USP34: variants seen among roughly 807,000 people sequenced by gnomAD.
The protein encoded by USP34 is ubiquitin carboxyl-terminal hydrolase 34.
USP34 carries 70 observed loss-of-function variants against 460.3 expected under a neutral mutation model. That is an observed-to-expected ratio of 0.15 (90% CI 0.13 to 0.19). USP34 has a LOEUF of 0.19. Among genes scored for constraint, USP34 ranks in the 10% least tolerant of loss-of-function variants. USP34 has a pLI of 1.00. For synonymous variants in USP34, 1,647 were observed against 1,405.3 expected (o/e 1.17, Z -3.85); for missense variants, 3,985 against 4,236.2 (o/e 0.94, Z 1.65).
At chr2:61,281,523 T>C (rs1412907447) in intron 37 of USP34, among the ~76,000 whole-genome samples, 4 of 152,182 alleles carry the variant, frequency 2.6e-5, no homozygotes, top group Admixed American at 6.5e-5. Context: ...GGCACAAGAA[T>C]TGCTTGAACC....
intron 27 of USP34, among the ~76,000 whole-genome samples, chr2:61,309,331 C>G (rs754452708): frequency 3.3e-4 from 50 of 152,238 alleles, no homozygotes; most frequent in Admixed American, 1.4e-3. Flanking sequence ...CACACAAAGA[C>G]AACCAATAAC....
chr2:61,406,668 C>A (rs535681759), intron 2 of USP34, among the ~76,000 whole-genome samples: 6 of 150,692 alleles, frequency 4.0e-5, no homozygotes, highest in Admixed American at 1.3e-4. Flanking sequence ...CTCTCTCCCC[C>A]CCAAGCTCCT....
At chr2:61,288,974 T>A in intron 33 of USP34, 97 bp from the exon 34 acceptor site, 1 of 1,226,744 alleles carries the variant, frequency 8.2e-7, no homozygotes, top group Non-Finnish European at 1.1e-6. Context: ...TAAAAATAAT[T>A]ATAGCTAGTA....
intron 20 of USP34, among the ~76,000 whole-genome samples, chr2:61,328,808 T>C (rs1572939493): frequency 6.6e-6 from 1 of 152,202 alleles, no homozygotes; most frequent in African/African-American, 2.4e-5. Flanking sequence ...TTGGACTTTC[T>C]CTTTACGAGG....
At chr2:61,375,076 C>T (rs1692751695) in intron 8 of USP34, among the ~76,000 whole-genome samples, 1 of 152,110 alleles carries the variant, frequency 6.6e-6, no homozygotes, top group African/African-American at 2.4e-5. Flanking sequence ...TAAAACACAA[C>T]CAAGAATCCA....
At chr2:61,447,039 GA>G (rs1695139443) in intron 1 of USP34, among the ~76,000 whole-genome samples, 1 of 152,064 alleles carries the variant, frequency 6.6e-6, no homozygotes, top group Non-Finnish European at 1.5e-5. Flanking sequence ...CAGATCACCT[GA>G]GGTCAGGAGT....
chr2:61,187,757 A>G lies in USP34; in HGVS notation c.*345T>C. Reference sequence around the variant, plus strand: ...AAGGTACAAAACTGGCACAGAGGACACCATATCATACACAGTAAAAATGCT... The same window carrying G: ...AAGGTACAAAACTGGCACAGAGGACGCCATATCATACACAGTAAAAATGCT... On this transcript the variant is annotated 3_prime_UTR_variant, in exon 80 of 80. Transcript: ENST00000398571. 1 of 536,282 alleles carries G rather than the reference A, an allele frequency of 1.9e-6. No homozygotes were observed. The highest frequency in any genetic ancestry group is 2.5e-6 in the Non-Finnish European group (1 of 396,668). The allele number at this position is 536,282 out of a possible 1,614,324, so 33.2% of individuals were successfully genotyped here. A position where few individuals can be genotyped will look rare whatever the true frequency, so the allele number is the denominator to read the frequency against.
intron 24 of USP34, 22 bp from the exon 25 acceptor site, chr2:61,314,766 A>G (rs141145734): frequency 1.5e-4 from 242 of 1,576,304 alleles, no homozygotes; most frequent in Admixed American, 2.9e-4. Context: ...ATGTTTAGAC[A>G]CATATATTAG....
chr2:61,224,688 CCTAA>C (rs1436715191), intron 62 of USP34, among the ~76,000 whole-genome samples: 1 of 152,086 alleles, frequency 6.6e-6, no homozygotes, highest in African/African-American at 2.4e-5. Flanking sequence ...GATTTGATTT[CCTAA>C]TATACTCCAA....
At chr2:61,415,576 G>T (rs917073427) in intron 2 of USP34, among the ~76,000 whole-genome samples, 1 of 152,160 alleles carries the variant, frequency 6.6e-6, no homozygotes, top group South Asian at 2.1e-4. Context: ...AGCAATATAA[G>T]AAGAGTGTTT....
intron 38 of USP34, among the ~76,000 whole-genome samples, 186 bp downstream of exon 38, chr2:61,280,904 A>G (rs1368327354): frequency 6.6e-6 from 1 of 152,214 alleles, no homozygotes; most frequent in Non-Finnish European, 1.5e-5. Context: ...GTCTCTTCCT[A>G]GTAGTAACAT....
chr2:61,229,750 G>C (rs1687838054), intron 58 of USP34, 117 bp from the exon 59 acceptor site: 4 of 813,608 alleles, frequency 4.9e-6, no homozygotes, highest in Non-Finnish European at 7.7e-6. Flanking sequence ...AGATTATCTT[G>C]GTATTCTGGA....
Position 61,318,962 on chromosome 2 carries a change from T to A in USP34, c.3168+211A>T, listed in dbSNP as rs186825048. On this transcript the variant is annotated intron_variant, in intron 22 of 79. Coordinates refer to ENST00000398571, the MANE Select transcript of USP34 (RefSeq NM_014709.4). ...TATTGTAGCTAATAGAACATTTTTA[T>A]AAATATAAACTATTAATTTAGAGGT... 3.9e-5 allele frequency among the ~76,000 whole-genome samples: 6 copies of A among 152,214 alleles called. No individual in the cohort carries two copies. In the East Asian group the frequency reaches 5.8e-4, roughly 15 times the overall value.
intron 20 of USP34, among the ~76,000 whole-genome samples, chr2:61,330,415 A>G (rs1474098504): frequency 6.6e-6 from 1 of 152,218 alleles, no homozygotes; most frequent in Non-Finnish European, 1.5e-5. Flanking sequence ...AGGACACAGT[A>G]AAAATAAAAT....
intron 67 of USP34, among the ~76,000 whole-genome samples, chr2:61,215,311 G>C (rs542340951): frequency 6.6e-6 from 1 of 152,120 alleles, no homozygotes; most frequent in Admixed American, 6.6e-5. Flanking sequence ...GTGTTAAATT[G>C]TAACCAGATA....
intron 29 of USP34, among the ~76,000 whole-genome samples, chr2:61,300,611 C>A (rs1014176446): frequency 6.6e-6 from 1 of 151,396 alleles, no homozygotes; most frequent in African/African-American, 2.4e-5. Context: ...GCCTGACCAA[C>A]ACAGTGAAAC....
intron 3 of USP34, among the ~76,000 whole-genome samples, chr2:61,403,348 A>C (rs1208843014): frequency 3.3e-5 from 5 of 152,136 alleles, no homozygotes; most frequent in Admixed American, 2.6e-4. Context: ...ATATAGTTCT[A>C]TATCATTAAG....
chr2:61,209,538 T>A (rs997231858), intron 69 of USP34, among the ~76,000 whole-genome samples: 7 of 152,226 alleles, frequency 4.6e-5, no homozygotes, highest in African/African-American at 1.4e-4. Context: ...ATGGTAACAT[T>A]CACAATGCAT....
intron 57 of USP34, 101 bp from the exon 58 acceptor site, chr2:61,232,633 C>T (rs1041907634): frequency 1.0e-6 from 1 of 954,748 alleles, no homozygotes; most frequent in Admixed American, 2.8e-5. Flanking sequence ...TGTTTTAATT[C>T]TTTTAAGTTC....
Sources: gnomAD v4.1 joint callset for allele counts (sites outside exome capture counted in the v4.1 genomes callset) on GRCh38, gnomAD v4.1.1 for gene constraint, MANE v1.5 for transcripts, NCBI Gene and HGNC (gene_info 2026-07-23, HGNC 2026-07-21) for gene names.